CTBP2: variants seen among roughly 807,000 people sequenced by gnomAD.
CTBP2 encodes the protein C-terminal-binding protein 2.
CTBP2 carries 30 observed loss-of-function variants against 80.3 expected under a neutral mutation model. The observed-to-expected ratio is 0.37, with a 90% CI of 0.28 to 0.51. The LOEUF is 0.51. Among genes scored for constraint, CTBP2 ranks in the 20% least tolerant of loss-of-function variants. CTBP2 has a pLI of 0.93. For missense variants in CTBP2, 1,212 were observed against 1,375.3 expected (o/e 0.88, Z 1.88); for synonymous variants, 594 against 587.4 (o/e 1.01, Z -0.16).
At position 125,015,859 on chromosome 10, in the gene CTBP2, C is replaced by T. The variant is rs191942686; in HGVS notation, c.1678+10223G>A. On this transcript the variant is annotated intron_variant, in intron 1 of 8. Transcript: ENST00000309035. The stretch of plus-strand genomic sequence containing the variant: ...AGCTGCTGCACACTCACTCGCCGGC[C>T]GCACAAGAGGCTGGGTGCTGGGCTG... Among the ~76,000 whole-genome samples, 363 of 152,300 alleles carry T rather than the reference C, an allele frequency of 2.4e-3. 4 individuals are homozygous for T. Among genetic ancestry groups the T allele is most frequent in the South Asian group, 1.2e-3 (6 of 4,822 alleles).
Position 125,004,561 on chromosome 10 carries a change from C to T in CTBP2, c.1679-1069G>A, listed in dbSNP as rs192904003. Among the ~76,000 whole-genome samples, 35 of 152,316 alleles carry T rather than the reference C, an allele frequency of 2.3e-4. No homozygotes were observed. The East Asian group carries it at 6.2e-3, about 27-fold the overall frequency. On this transcript the variant is annotated intron_variant, in intron 1 of 8. Transcript: ENST00000309035. The stretch of plus-strand genomic sequence containing the variant: ...CACCCTGGACACAAGAGAACAACTA[C>T]CTGAGTTCCAGAGGTGCAATCCGCC...
In CTBP2 at chr10:125,076,450, GT is replaced by G. The variant is rs1342495258; in HGVS notation, c.-102+34539del. On this transcript the variant is annotated intron_variant, in intron 2 of 10. Transcript: ENST00000337195. ...TCTGGGTCCAGAAGATCTCCTCTAG[GT>G]TCAGTTCTGTCCAGGAACACTGTCA... Among the ~76,000 whole-genome samples the G allele has an allele frequency of 3.9e-5, 6 of 152,130 alleles. No individual in the cohort carries two copies. The East Asian group carries it at 9.6e-4, about 24-fold the overall frequency.
chr10:125,040,384 G>A (rs1004331000), intron 2 of CTBP2, among the ~76,000 whole-genome samples: 1 of 151,022 alleles, frequency 6.6e-6, no homozygotes, highest in Non-Finnish European at 1.5e-5. Context: ...GAATCTGGGA[G>A]GTGGAGGTTG....
chr10:125,082,156 C>G (rs546336514), intron 2 of CTBP2, among the ~76,000 whole-genome samples: 16 of 152,338 alleles, frequency 1.1e-4, no homozygotes, highest in African/African-American at 3.8e-4. Context: ...CTGGCCACGC[C>G]GGAGCTGGGG....
intron 2 of CTBP2, among the ~76,000 whole-genome samples, chr10:125,098,792 C>CAGAG (rs1391794441): frequency 2.2e-5 from 1 of 44,752 alleles, no homozygotes; most frequent in Non-Finnish European, 5.0e-5. Context: ...GAGAGAGAGA[C>CAGAG]AGAGAGACAC....
intron 1 of CTBP2, among the ~76,000 whole-genome samples, chr10:125,151,786 T>C (rs1477094038): frequency 1.3e-5 from 2 of 152,102 alleles, no homozygotes; most frequent in African/African-American, 4.8e-5. Flanking sequence ...TGCCGGGGCC[T>C]CGCGGACCGG....
chr10:125,101,104 G>A (rs185560675), intron 2 of CTBP2, among the ~76,000 whole-genome samples: 1 of 152,318 alleles, frequency 6.6e-6, no homozygotes, highest in East Asian at 1.9e-4. Flanking sequence ...CCATTATTCA[G>A]TGTGAAATTC....
chr10:125,041,232 C>T (rs1959645502), intron 2 of CTBP2, among the ~76,000 whole-genome samples: 2 of 152,154 alleles, frequency 1.3e-5, no homozygotes, highest in Admixed American at 6.5e-5. Context: ...AGGCATGTGC[C>T]AACATGCCTG....
Position 125,124,317 on chromosome 10 carries a change from G to A in CTBP2, c.-205-13224C>T, listed in dbSNP as rs370707479. Among the ~76,000 whole-genome samples the A allele has an allele frequency of 5.2e-4, 79 of 152,224 alleles. 1 individual carries two copies. In the South Asian group the frequency reaches 0.015, roughly 28 times the overall value. Reference sequence around the variant, plus strand: ...CCTTTTAGGAAGGGCTGGCATACTCGACGCTAGCACTCCCGGTAACTCCCC... The same window carrying A: ...CCTTTTAGGAAGGGCTGGCATACTCAACGCTAGCACTCCCGGTAACTCCCC... On this transcript the variant is annotated intron_variant, in intron 1 of 10. Coordinates refer to the CTBP2 transcript ENST00000337195.
At chr10:125,146,249 A>G (rs185653988) in intron 1 of CTBP2, among the ~76,000 whole-genome samples, 145 of 149,906 alleles carry the variant, frequency 9.7e-4, no homozygotes, top group African/African-American at 3.3e-3. Flanking sequence ...CTAGGATTAT[A>G]GGTGTGAGCC....
intron 1 of CTBP2, among the ~76,000 whole-genome samples, chr10:125,146,581 C>A (rs190419128): frequency 6.6e-6 from 1 of 152,304 alleles, no homozygotes. Flanking sequence ...CCCCACCTGG[C>A]CTCCAAGTGA....
rs80348318 is a variant in CTBP2, at chr10:125,020,531, G to A, written c.1678+5551C>T. Among the ~76,000 whole-genome samples the A allele has an allele frequency of 7.2e-3, 1,092 of 152,272 alleles. 4 individuals carry two copies. The highest frequency in any genetic ancestry group is 0.014 in the Middle Eastern group (4 of 294). ...GAAGAGGGTCTGGTGACTGGAACGC[G>A]GGCAGAGCTGGCCAAGGTCCCAGCA... On this transcript the variant is annotated intron_variant, in intron 1 of 8. Transcript: ENST00000309035.
intron 2 of CTBP2, among the ~76,000 whole-genome samples, chr10:125,097,260 T>C (rs1274765604): frequency 6.6e-6 from 1 of 152,158 alleles, no homozygotes; most frequent in African/African-American, 2.4e-5. Flanking sequence ...GGTATAAAGG[T>C]AATATGGAAA....
intron 2 of CTBP2, among the ~76,000 whole-genome samples, chr10:125,097,651 T>C (rs994120655): frequency 1.3e-5 from 2 of 151,780 alleles, no homozygotes; most frequent in Non-Finnish European, 2.9e-5. Flanking sequence ...AGTGTGTCCA[T>C]GTCAGATGTA....
chr10:125,030,750 G>A (rs747919488), upstream of CTBP2, among the ~76,000 whole-genome samples: 1 of 152,206 alleles, frequency 6.6e-6, no homozygotes, highest in Non-Finnish European at 1.5e-5. Context: ...CGCCCACTTG[G>A]TGGGCTGCCA....
intron 2 of CTBP2, among the ~76,000 whole-genome samples, chr10:125,102,993 C>T (rs79455929): frequency 0.018 from 2,789 of 152,318 alleles, 92 homozygotes; most frequent in African/African-American, 0.063. Flanking sequence ...TGGGTCCCCA[C>T]ACCCTACCTG....
intron 8 of CTBP2, 22 bp downstream of exon 10, chr10:124,992,673 C>G (rs1323828396): frequency 6.4e-7 from 1 of 1,571,554 alleles, no homozygotes; most frequent in Admixed American, 1.8e-5. Context: ...CAAGCTGAGA[C>G]AAAGTCAGTT....
At chr10:125,047,338 T>TA (rs774674270) in intron 2 of CTBP2, among the ~76,000 whole-genome samples, 15 of 152,264 alleles carry the variant, frequency 9.9e-5, no homozygotes, top group Middle Eastern at 3.4e-3. Context: ...GTTGAACAGA[T>TA]AAAAAAAATT....
chr10:125,071,528 G>C (rs186182497), intron 2 of CTBP2, among the ~76,000 whole-genome samples: 41 of 152,314 alleles, frequency 2.7e-4, no homozygotes, highest in African/African-American at 9.6e-4. Flanking sequence ...CACCCCAAAA[G>C]TGAAGTAAGA....
Sources: gnomAD v4.1 joint callset for allele counts (sites outside exome capture counted in the v4.1 genomes callset) on GRCh38, gnomAD v4.1.1 for gene constraint, MANE v1.5 for transcripts, NCBI Gene and HGNC (gene_info 2026-07-23, HGNC 2026-07-21) for gene names.